LAMB1: variants seen among roughly 807,000 people sequenced by gnomAD.
LAMB1 encodes the protein laminin subunit beta-1.
LAMB1 carries 121 observed loss-of-function variants against 222.3 expected under a neutral mutation model. That is an observed-to-expected ratio of 0.54 (90% CI 0.47 to 0.63). The LOEUF (loss-of-function observed/expected upper bound fraction) is 0.63. LAMB1 is among the 30% of genes least tolerant of loss of function. LAMB1 has a pLI of 0.00. For synonymous variants in LAMB1, 794 were observed against 807.2 expected, an observed-to-expected ratio of 0.98 and a Z score of 0.28; for missense variants, 2,172 against 2,240.8, an observed-to-expected ratio of 0.97 and a Z score of 0.62.
At chr7:107,930,166 T>G (rs951829865) in intron 29 of LAMB1, among the ~76,000 whole-genome samples, 1 of 152,046 alleles carries the variant, frequency 6.6e-6, no homozygotes, top group Non-Finnish European at 1.5e-5. Flanking sequence ...GGGAGAAAAT[T>G]ATAGAAGCAG....
At chr7:108,000,436 T>C (rs1386234641) in intron 3 of LAMB1, among the ~76,000 whole-genome samples, 6 of 152,192 alleles carry the variant, frequency 3.9e-5, no homozygotes, top group African/African-American at 7.2e-5. Flanking sequence ...TGAAGGGCAA[T>C]TGTACAGGTG....
chr7:108,000,639 G>T (rs1196830739), intron 3 of LAMB1, among the ~76,000 whole-genome samples: 1 of 152,238 alleles, frequency 6.6e-6, no homozygotes, highest in Non-Finnish European at 1.5e-5. Context: ...GACCTACTGG[G>T]CTCAAGTGAT....
intron 9 of LAMB1, 98 bp from the exon 10 acceptor site, chr7:107,975,975 G>T: frequency 9.5e-7 from 1 of 1,054,206 alleles, no homozygotes; most frequent in Non-Finnish European, 1.4e-6. Flanking sequence ...CAGGGACTAA[G>T]TTCAGACAAA....
chr7:107,990,982 C>A (rs372720203), intron 5 of LAMB1, among the ~76,000 whole-genome samples: 1 of 152,182 alleles, frequency 6.6e-6, no homozygotes, highest in African/African-American at 2.4e-5. Context: ...CCTTTATTCT[C>A]GCCATCCCAG....
intron 19 of LAMB1, 49 bp from the exon 20 acceptor site, chr7:107,959,529 G>C: frequency 6.2e-7 from 1 of 1,609,412 alleles, no homozygotes; most frequent in African/African-American, 1.3e-5. Flanking sequence ...TCATTCAATG[G>C]AAACATGCTC....
chr7:107,961,383 A>G, intron 16 of LAMB1, 54 bp from the exon 17 acceptor site: 1 of 1,595,906 alleles, frequency 6.3e-7, no homozygotes, highest in Non-Finnish European at 8.5e-7. Flanking sequence ...TCATGCATCC[A>G]AAAAATAAAA....
intron 13 of LAMB1, among the ~76,000 whole-genome samples, chr7:107,966,189 G>C (rs77248739): frequency 0.087 from 13,215 of 152,054 alleles, 629 homozygotes; most frequent in Middle Eastern, 0.18. Context: ...TATCCTACAG[G>C]AATAGGAACT....
chr7:108,002,082 T>A lies in LAMB1; in HGVS notation c.38-349A>T, dbSNP rs530597743. ...TGTGTAGACCCTCCACTTCGACGTGTCCGGAGCCCGGCGCAGGGAGGCTGA... is the reference window on the plus strand; with the variant it reads ...TGTGTAGACCCTCCACTTCGACGTGACCGGAGCCCGGCGCAGGGAGGCTGA... On this transcript the variant is annotated intron_variant, in intron 2 of 33. Transcript: ENST00000222399. 16 of 1,469,600 alleles carry A rather than the reference T, an allele frequency of 1.1e-5. No individual in the cohort carries two copies. In the Admixed American group the frequency reaches 3.6e-4, roughly 33 times the overall value. The allele number at this position is 1,469,600 out of a possible 1,614,324, so 91.0% of individuals were successfully genotyped here. A position where few individuals can be genotyped will look rare whatever the true frequency, so the allele number is the denominator to read the frequency against.
At position 107,926,308 on chromosome 7, in the gene LAMB1, G is replaced by A. The variant is rs756179103; in HGVS notation, c.4939C>T (p.Arg1647Cys). Residue 1647 changes from arginine to cysteine, a missense_variant, in exon 32 of 34, where the codon CGC becomes TGC. Physicochemically the swap from Arg to Cys is radical, Grantham distance 180. Transcript: ENST00000222399. ...SEETLFNASQRISELERNVEE... is the reference protein window; with the variant it reads ...SEETLFNASQCISELERNVEE... ...ACATTCCTCTCTAACTCGCTGATGCGCTGGGACGCGTTGAACAAGGTTTCC... is the reference window on the plus strand; with the variant it reads ...ACATTCCTCTCTAACTCGCTGATGCACTGGGACGCGTTGAACAAGGTTTCC... The A allele has an allele frequency of 8.1e-6, 13 of 1,613,724 alleles. No individual in the cohort carries two copies. Among genetic ancestry groups the A allele is most frequent in the Admixed American group, 1.7e-5 (1 of 59,984 alleles).
rs116651085 is a variant in LAMB1, at chr7:107,986,957, C to T, written c.424-594G>A. On this transcript the variant is annotated intron_variant, in intron 5 of 33. Coordinates refer to ENST00000222399, the MANE Select transcript of LAMB1 (RefSeq NM_002291.3). ...AATTCCACATTATTAGGTATACACC[C>T]GGAAGAATTGAAAACAGGAACTCAA... Among the ~76,000 whole-genome samples the T allele has an allele frequency of 2.9e-3, 438 of 152,190 alleles. 1 individual carries two copies. Among genetic ancestry groups the T allele is most frequent in the African/African-American group, 0.01 (416 of 41,518 alleles).
intron 15 of LAMB1, among the ~76,000 whole-genome samples, chr7:107,962,396 GT>G: frequency 6.6e-6 from 1 of 152,192 alleles, no homozygotes; most frequent in South Asian, 2.1e-4. Flanking sequence ...AGATCACTAC[GT>G]TTGAGAAACT....
intron 27 of LAMB1, among the ~76,000 whole-genome samples, chr7:107,933,895 G>A (rs1395758335): frequency 6.6e-6 from 1 of 152,096 alleles, no homozygotes; most frequent in African/African-American, 2.4e-5. Context: ...TCTCCCTGCC[G>A]CCCACGGAGA....
chr7:108,002,094 C>G (rs1253470082), intron 2 of LAMB1: 1 of 1,470,082 alleles, frequency 6.8e-7, no homozygotes, highest in South Asian at 1.3e-5. Context: ...CGGAGCCCGG[C>G]GCAGGGAGGC....
chr7:107,979,650 A>T (rs1444575502), intron 8 of LAMB1, among the ~76,000 whole-genome samples: 1 of 152,222 alleles, frequency 6.6e-6, no homozygotes, highest in African/African-American at 2.4e-5. Context: ...CAAATCCCAA[A>T]TTTCAAAATG....
intron 31 of LAMB1, among the ~76,000 whole-genome samples, chr7:107,927,775 A>G (rs1404749362): frequency 2.0e-5 from 3 of 152,262 alleles, no homozygotes; most frequent in African/African-American, 4.8e-5. Context: ...GCCTGAAGAA[A>G]AAGTCTTATT....
At position 107,932,285 on chromosome 7, in the gene LAMB1, C is replaced by A. The variant is rs57244800; in HGVS notation, c.4281G>T (p.Gly1427=). 3,320 of 1,614,146 alleles carry A rather than the reference C, an allele frequency of 2.1e-3. 58 individuals are homozygous for A. The African/African-American group carries it at 0.04, about 19-fold the overall frequency. ...CAGTAACCAGACCACCACAGCCAGG[C>A]CCCCCACACTTCCTCTCTCCTTCGT... ...RTDEGERKCG[G]PGCGGLVTVA... The change falls in exon 28 of 34, where the codon GGG becomes GGT. Residue 1427 remains glycine, a synonymous_variant. Coordinates refer to ENST00000222399, the MANE Select transcript of LAMB1 (RefSeq NM_002291.3).
At chr7:107,926,711 C>CAAAT (rs1218318330) in intron 31 of LAMB1, among the ~76,000 whole-genome samples, 3 of 152,090 alleles carry the variant, frequency 2.0e-5, no homozygotes, top group Non-Finnish European at 4.4e-5. Flanking sequence ...AGAACATTCA[C>CAAAT]AAATAAGCAG....
chr7:107,955,518 G>C lies in LAMB1; in HGVS notation c.2803C>G (p.Gln935Glu), dbSNP rs757478168. 6.2e-7 allele frequency: 1 copy of C among 1,614,062 alleles called. No individual in the cohort carries two copies. Among genetic ancestry groups the C allele is most frequent in the East Asian group, 2.2e-5 (1 of 44,878 alleles). Residue 935 changes from glutamine to glutamate, a missense_variant, in exon 21 of 34, where the codon CAA (glutamine) becomes GAA (glutamate). By Grantham distance (29) the Gln-to-Glu change is conservative (BLOSUM62 2). Transcript: ENST00000222399. ...GCAAGCTGTAAAGTAACAGGATCTT[G>C]GTAGCAGCTCCTGGCAAACTGGCGT... is the stretch of plus-strand genomic sequence containing the variant. ...SGRQFARSCY[Q>E]DPVTLQLACV...
At position 107,951,272 on chromosome 7, in the gene LAMB1, G is replaced by A. The variant is rs1390711931; in HGVS notation, c.3345C>T (p.Ser1115=). 5 of 1,614,028 alleles carry A rather than the reference G, an allele frequency of 3.1e-6. No homozygotes were observed. The highest frequency in any genetic ancestry group is 1.3e-5 in the African/African-American group (1 of 74,928). The change falls in exon 24 of 34, where the codon AGC becomes AGT. Residue 1115 remains serine, a synonymous_variant. Transcript: ENST00000222399. ...CMPGFGGRTC[S]ECQELFWGDP... The stretch of plus-strand genomic sequence containing the variant: ...CTCCCCAGAAGAGTTCCTGGCACTC[G>A]CTGCAGGTGCGGCCTCCAAACCCAG...
Sources: allele counts gnomAD v4.1 joint callset (sites outside exome capture counted in the v4.1 genomes callset), GRCh38; gene constraint gnomAD v4.1.1; transcripts MANE v1.5; gene names NCBI Gene and HGNC (gene_info 2026-07-23, HGNC 2026-07-21).